PKNOX2: variants seen among roughly 807,000 people sequenced by gnomAD.
PKNOX2 encodes the protein homeobox protein PKNOX2.
A neutral mutation model predicts 53.1 loss-of-function variants in PKNOX2; 14 were observed. That is an observed-to-expected ratio of 0.26 (90% CI 0.17 to 0.41). The LOEUF (loss-of-function observed/expected upper bound fraction) is 0.41. Ranked by LOEUF, PKNOX2 falls within the 10% of genes least tolerant of loss-of-function variation. The pLI, the probability that PKNOX2 is intolerant of heterozygous loss-of-function variation, is 1.00. For missense variants in PKNOX2, 496 were observed against 602.8 expected, an observed-to-expected ratio of 0.82 and a Z score of 1.85; for synonymous variants, 257 against 242.8, an observed-to-expected ratio of 1.06 and a Z score of -0.54.
At chr11:125,395,591 A>T (rs1020990551) in intron 6 of PKNOX2, among the ~76,000 whole-genome samples, 3 of 152,034 alleles carry the variant, frequency 2.0e-5, no homozygotes, top group African/African-American at 7.2e-5. Context: ...TGGTGTTGTC[A>T]TATTTATTTC....
intron 1 of PKNOX2, among the ~76,000 whole-genome samples, chr11:125,211,138 G>A (rs1939795364): frequency 6.6e-6 from 1 of 152,082 alleles, no homozygotes; most frequent in Non-Finnish European, 1.5e-5. Flanking sequence ...TTCCCATTCT[G>A]CAGATGGAGA....
intron 5 of PKNOX2, among the ~76,000 whole-genome samples, chr11:125,378,814 C>T (rs899567778): frequency 5.9e-5 from 9 of 152,182 alleles, no homozygotes; most frequent in African/African-American, 1.9e-4. Flanking sequence ...CCCTCGCCCC[C>T]GCTCATGGCT....
intron 2 of PKNOX2, among the ~76,000 whole-genome samples, chr11:125,305,215 C>T (rs1414231084): frequency 6.6e-6 from 1 of 152,174 alleles, no homozygotes; most frequent in East Asian, 1.9e-4. Context: ...ATTGCCACTC[C>T]GGCTTCAGCC....
At chr11:125,364,007 A>G (rs1283659096) in intron 4 of PKNOX2, among the ~76,000 whole-genome samples, 1 of 152,196 alleles carries the variant, frequency 6.6e-6, no homozygotes, top group East Asian at 1.9e-4. Context: ...CACAGGCCAG[A>G]ACAAGGCAGT....
At chr11:125,336,150 T>G (rs1028808828) in intron 3 of PKNOX2, among the ~76,000 whole-genome samples, 1 of 152,176 alleles carries the variant, frequency 6.6e-6, no homozygotes, top group African/African-American at 2.4e-5. Context: ...ATTGTAGTTA[T>G]TTTTTAAATT....
At position 125,410,986 on chromosome 11, in the gene PKNOX2, C is replaced by T. The variant is rs1334655021; in HGVS notation, c.816+110C>T. On this transcript the variant is annotated intron_variant, in intron 9 of 12. Coordinates refer to ENST00000298282, the MANE Select transcript of PKNOX2 (RefSeq NM_001382323.2). Reference sequence around the variant, plus strand: ...GGGTGACTCATTGAATCCTCATCATCCTCTAAGAGGTATCATTACCCCTAC... The same window carrying T: ...GGGTGACTCATTGAATCCTCATCATTCTCTAAGAGGTATCATTACCCCTAC... 3.0e-5 allele frequency: 26 copies of T among 864,286 alleles called. No individual in the cohort carries two copies. In the East Asian group the frequency reaches 5.8e-4, roughly 19 times the overall value. The allele number at this position is 864,286 out of a possible 1,614,324, so 53.5% of individuals were successfully genotyped here.
intron 1 of PKNOX2, among the ~76,000 whole-genome samples, chr11:125,210,162 C>T (rs568942261): frequency 1.3e-5 from 2 of 152,236 alleles, no homozygotes; most frequent in East Asian, 3.9e-4. Flanking sequence ...CAGAGGTGAC[C>T]TTTCCCTCTG....
At chr11:125,243,441 A>T (rs1943310991) in intron 2 of PKNOX2, among the ~76,000 whole-genome samples, 1 of 152,100 alleles carries the variant, frequency 6.6e-6, no homozygotes, top group African/African-American at 2.4e-5. Flanking sequence ...AGTCTCTGCC[A>T]TTGTCTGGAC....
chr11:125,350,637 A>T (rs1951248949), intron 3 of PKNOX2, among the ~76,000 whole-genome samples: 1 of 152,212 alleles, frequency 6.6e-6, no homozygotes, highest in African/African-American at 2.4e-5. Context: ...GGGAAAGTAC[A>T]GGAGTAGACC....
chr11:125,313,343 A>ATCCT (rs552331686), intron 2 of PKNOX2, among the ~76,000 whole-genome samples: 86 of 152,282 alleles, frequency 5.6e-4, no homozygotes, highest in African/African-American at 2.0e-3. Flanking sequence ...TCCAGGTGAC[A>ATCCT]TCCTACCTCA....
chr11:125,403,470 G>A (rs772942350), intron 7 of PKNOX2, among the ~76,000 whole-genome samples: 4 of 152,158 alleles, frequency 2.6e-5, no homozygotes, highest in Non-Finnish European at 5.9e-5. Context: ...CAAACATGGT[G>A]TGTACTAGGT....
intron 10 of PKNOX2, among the ~76,000 whole-genome samples, chr11:125,424,130 AGG>A (rs894772512): frequency 2.0e-5 from 3 of 149,092 alleles, no homozygotes; most frequent in Admixed American, 6.6e-5. Context: ...GGGGGACAGA[AGG>A]GGGTTTGTGG....
chr11:125,351,481 G>A (rs897673344), intron 4 of PKNOX2, 89 bp downstream of exon 4: 4 of 848,186 alleles, frequency 4.7e-6, no homozygotes, highest in Middle Eastern at 2.6e-4. Flanking sequence ...CATTCCAGGG[G>A]CCGACGGGCA....
chr11:125,201,896 G>A (rs942211071), intron 1 of PKNOX2, among the ~76,000 whole-genome samples: 10 of 152,174 alleles, frequency 6.6e-5, no homozygotes, highest in Admixed American at 3.3e-4. Context: ...ATGTGGGCTC[G>A]GCTGGGAGGC....
At chr11:125,428,367 T>A (rs1956530894) in intron 10 of PKNOX2, among the ~76,000 whole-genome samples, 1 of 152,172 alleles carries the variant, frequency 6.6e-6, no homozygotes, top group African/African-American at 2.4e-5. Flanking sequence ...AGTCATTCCA[T>A]CTCTTCATCT....
intron 10 of PKNOX2, among the ~76,000 whole-genome samples, chr11:125,424,186 T>C (rs11220064): frequency 0.37 from 56,856 of 151,752 alleles, 10,878 homozygotes; most frequent in South Asian, 0.49. Context: ...GGTGGTTACA[T>C]GGGTGTTTGC....
At chr11:125,379,040 C>CT (rs1314917802) in intron 5 of PKNOX2, among the ~76,000 whole-genome samples, 1 of 144,326 alleles carries the variant, frequency 6.9e-6, no homozygotes, top group African/African-American at 2.6e-5. Context: ...ATCCAACTAC[C>CT]TTTTTTTTCT....
chr11:125,360,217 G>A (rs1275686992), intron 4 of PKNOX2, among the ~76,000 whole-genome samples: 4 of 152,060 alleles, frequency 2.6e-5, no homozygotes, highest in Admixed American at 6.5e-5. Flanking sequence ...GGTGTTCAGC[G>A]TTTTCAGAAA....
At position 125,351,370 on chromosome 11, in the gene PKNOX2, C is replaced by G. The variant is rs764466990; in HGVS notation, c.65C>G (p.Pro22Arg). The G allele has an allele frequency of 6.2e-7, 1 of 1,604,418 alleles. No individual in the cohort carries two copies. Among genetic ancestry groups the G allele is most frequent in the South Asian group, 1.1e-5 (1 of 90,174 alleles). ...ATGGCCACGCAGAATGTCCCGCCCC[C>G]ACCCTACCAGGACAGCCCACAGGTG... ...TMMATQNVPP[P>R]PYQDSPQMTA... Residue 22 changes from proline (P) to arginine (R), a missense_variant, in exon 4 of 13, where the codon CCA becomes CGA. Pro to Arg is a moderately radical substitution (Grantham distance 103). This residue lies in a region of PKNOX2 where 168 missense variants were observed against 178.4 expected (regional missense o/e 0.94). Transcript: ENST00000298282.
Sources: gnomAD v4.1 joint callset for allele counts (sites outside exome capture counted in the v4.1 genomes callset) on GRCh38, gnomAD v4.1.1 for gene constraint, gnomAD v4.1.1 regional missense constraint, MANE v1.5 for transcripts, NCBI Gene and HGNC (gene_info 2026-07-23, HGNC 2026-07-21) for gene names.